Variants in RBMX observed in about 807,000 individuals in gnomAD.
The protein encoded by RBMX is RNA-binding motif protein, X chromosome.
Under a neutral mutation model 29.3 loss-of-function variants are expected in RBMX, and 1 was observed. The observed-to-expected ratio is 0.03, with a 90% CI of 0.01 to 0.16. The LOEUF is 0.16. Ranked by LOEUF, RBMX falls within the 10% of genes least tolerant of loss-of-function variation. RBMX has a pLI of 1.00. For synonymous variants in RBMX, 102 were observed against 102.3 expected (o/e 1.00, Z 0.02); for missense variants, 121 against 333.2 (o/e 0.36, Z 4.96).
chrX:136,870,215 CT>C (rs2077676612), downstream of RBMX: 2 of 112,453 alleles, frequency 1.8e-5, no homozygotes, highest in Admixed American at 9.5e-5. Context: ...ATTACTTCCC[CT>C]TTTCCATTTG....
At chrX:136,877,068 A>G (rs2077738086) in intron 4 of RBMX, among the ~76,000 whole-genome samples, 1 of 107,867 alleles carries the variant, frequency 9.3e-6, no homozygotes, top group Non-Finnish European at 1.9e-5. Flanking sequence ...GCCGGGCACA[A>G]TGGCTCACGC....
chrX:136,871,650 AT>A (rs1020629740), downstream of RBMX, among the ~76,000 whole-genome samples: 4 of 104,696 alleles, frequency 3.8e-5, no homozygotes, highest in East Asian at 3.0e-4. Context: ...CACTGAGCAA[AT>A]TTTTTTTTTC....
intron 8 of RBMX, 114 bp from the exon 9 acceptor site, chrX:136,874,566 G>A (rs1345141383): frequency 2.1e-6 from 2 of 953,100 alleles, no homozygotes; most frequent in Non-Finnish European, 2.9e-6. Flanking sequence ...CAACTGGGTG[G>A]GAGGTTTTAA....
downstream of RBMX, among the ~76,000 whole-genome samples, chrX:136,870,829 G>A (rs1030354332): frequency 2.8e-5 from 3 of 107,702 alleles, no homozygotes; most frequent in African/African-American, 6.8e-5. Context: ...AAAGAAAGCC[G>A]CATGCAGTGG....
chrX:136,876,306 T>G (rs1287275973), intron 5 of RBMX, among the ~76,000 whole-genome samples, 197 bp downstream of exon 5: 1 of 109,115 alleles, frequency 9.2e-6, no homozygotes, highest in Non-Finnish European at 1.9e-5. Context: ...TATTTTTTAG[T>G]AGAGACGGGG....
At chrX:136,876,707 G>T in intron 4 of RBMX, 52 bp from the exon 5 acceptor site, 5 of 899,109 alleles carry the variant, frequency 5.6e-6, no homozygotes, top group Non-Finnish European at 7.5e-6. Context: ...AATCAAGAAA[G>T]ATATAAAAGT....
At chrX:136,876,899 A>G in intron 4 of RBMX, among the ~76,000 whole-genome samples, 1 of 104,349 alleles carries the variant, frequency 9.6e-6, no homozygotes, top group African/African-American at 3.5e-5. Flanking sequence ...TTTTAAGTAG[A>G]GACAGGATTT....
In RBMX at chrX:136,880,708, G is replaced by C. The variant is rs749936022; in HGVS notation, c.-138C>G. The C allele has an allele frequency of 3.3e-4, 41 of 123,405 alleles. No homozygotes were observed. The highest frequency in any genetic ancestry group is 1.0e-3 in the African/African-American group (33 of 31,489). The allele number at this position is 123,405 out of a possible 1,213,427, so 10.2% of individuals were successfully genotyped here. Reference sequence around the variant, plus strand: ...CGAGGACCGAACCGCGAAGCCGCTAGCACTACTGCGCAACGAGGGCGAACA... The same window carrying C: ...CGAGGACCGAACCGCGAAGCCGCTACCACTACTGCGCAACGAGGGCGAACA... On this transcript the variant is annotated 5_prime_UTR_variant, in exon 1 of 9. Transcript: ENST00000320676.
At chrX:136,875,878 T>C (rs1372460119) in intron 5 of RBMX, among the ~76,000 whole-genome samples, 2 of 109,695 alleles carry the variant, frequency 1.8e-5, no homozygotes, top group East Asian at 2.9e-4. Flanking sequence ...CTTGGCTCAC[T>C]GCAACCTCTG....
In RBMX at chrX:136,874,303, G is replaced by T; in HGVS notation, c.1015C>A (p.Arg339Ser). 8.6e-7 allele frequency: 1 copy of T among 1,161,150 alleles called. No homozygotes were observed. Residue 339 changes from arginine to serine, a missense_variant, in exon 9 of 9, where the codon CGT (arginine) becomes AGT (serine). Physicochemically the swap from Arg to Ser is moderately radical, Grantham distance 110 (BLOSUM62 -1). Transcript: ENST00000320676. ...CTTTCTTGTCTGCCAACCCGATCAC[G>T]ACCACTTGAGTAGAGATCACTTCGG... is the stretch of plus-strand genomic sequence containing the variant. ...SSRSDLYSSG[R>S]DRVGRQERGL...
Position 136,874,243 on chromosome X carries a change from G to A in RBMX, c.1075C>T (p.Pro359Ser), listed in dbSNP as rs371028288. 3 of 1,212,406 alleles carry A rather than the reference G, an allele frequency of 2.5e-6. No homozygotes were observed. The highest frequency in any genetic ancestry group is 3.4e-5 in the African/African-American group (2 of 58,057). The change falls in exon 9 of 9, where the codon CCT becomes TCT. Residue 359 changes from proline (P) to serine (S), a missense_variant. Pro to Ser is a moderately conservative substitution (Grantham distance 74). Transcript: ENST00000320676. ...LPPSMERGYP[P>S]PRDSYSSSSR... ...GAACTGCTGTAGGAATCACGTGGAG[G>A]AGGGTACCCCCTTTCCATAGAAGGG...
chrX:136,879,310 A>AC lies in RBMX; in HGVS notation c.109+8dup. 1.7e-6 allele frequency: 2 copies of AC among 1,169,789 alleles called. No homozygotes were observed. Among genetic ancestry groups the AC allele is most frequent in the Non-Finnish European group, 2.3e-6 (2 of 858,345 alleles). On this transcript the variant is annotated intron_variant, in intron 2 of 8. Transcript: ENST00000320676. ...ATAATAGCCCAGCCTGTACTGCCAG[A>AC]CAACTCACCTTCCACTATTCGTCCA...
At chrX:136,869,417 A>G (rs1486340982), downstream of RBMX, 1 of 112,069 alleles carries the variant, frequency 8.9e-6, no homozygotes, top group Non-Finnish European at 1.9e-5. Context: ...TCATTTTAAC[A>G]TACTCCTTAT....
At chrX:136,877,329 C>CA (rs373059124) in intron 4 of RBMX, among the ~76,000 whole-genome samples, 17 of 27,251 alleles carry the variant, frequency 6.2e-4, no homozygotes, top group African/African-American at 2.4e-3. Context: ...CTAAACTCTA[C>CA]CCCCCCCCCC....
chrX:136,870,105 T>C (rs187930227), downstream of RBMX: 1 of 112,704 alleles, frequency 8.9e-6, no homozygotes, highest in African/African-American at 3.2e-5. Flanking sequence ...TGAAGAGTTG[T>C]CCCCATGACT....
chrX:136,877,327 T>TCCCCCC (rs1214325421), intron 4 of RBMX, among the ~76,000 whole-genome samples: 1 of 29,856 alleles, frequency 3.3e-5, no homozygotes, highest in Admixed American at 6.3e-4. Flanking sequence ...TGCTAAACTC[T>TCCCCCC]ACCCCCCCCC....
Position 136,876,181 on chromosome X carries a change from T to G in RBMX, c.541+322A>C, listed in dbSNP as rs904287471. On this transcript the variant is annotated intron_variant, in intron 5 of 8. Transcript: ENST00000320676. ...ACTCTGTTGCCACGCTGGAGGACAG[T>G]GGCATGATCTCGGTTCCCTGCAACC... Among the ~76,000 whole-genome samples the G allele has an allele frequency of 4.1e-5, 4 of 98,382 alleles. No homozygotes were observed. The Admixed American group carries it at 4.6e-4, about 11-fold the overall frequency. 85.4% of individuals were successfully genotyped at this position (98,382 alleles called of 115,157 possible). A position where few individuals can be genotyped will look rare whatever the true frequency, so the allele number is the denominator to read the frequency against.
downstream of RBMX, among the ~76,000 whole-genome samples, chrX:136,871,419 G>C (rs1230945358): frequency 1.1e-5 from 1 of 95,199 alleles, no homozygotes; most frequent in Non-Finnish European, 2.1e-5. Flanking sequence ...ACTCCAGCCT[G>C]GGCAACAGAG....
chrX:136,874,858 A>G, intron 8 of RBMX: 1 of 570,374 alleles, frequency 1.8e-6, no homozygotes, highest in Admixed American at 5.2e-5. Context: ...TAAGGCTGCC[A>G]ATTTAAGCAA....
Sources: allele counts gnomAD v4.1 joint callset (sites outside exome capture counted in the v4.1 genomes callset), GRCh38; gene constraint gnomAD v4.1.1; transcripts MANE v1.5; gene names NCBI Gene and HGNC (gene_info 2026-07-23, HGNC 2026-07-21).